Variants in HAGHL observed in about 807,000 individuals in gnomAD.
The protein encoded by HAGHL is hydroxyacylglutathione hydrolase like.
A neutral mutation model predicts 29.2 loss-of-function variants in HAGHL; 27 were observed. The ratio of observed to expected loss-of-function variants is 0.92; its 90% CI spans 0.68 to 1.27. The LOEUF (loss-of-function observed/expected upper bound fraction) is 1.27. Among genes scored for constraint, HAGHL ranks in the 50% most tolerant of loss-of-function variants. HAGHL has a pLI of 0.00. For synonymous variants in HAGHL, 223 were observed against 185.7 expected (o/e 1.20, Z -1.63); for missense variants, 529 against 405.5 (o/e 1.30, Z -2.62).
chr16:727,822 C>T (rs967490102), intron 1 of HAGHL, 143 bp from the exon 2 acceptor site: 6 of 907,610 alleles, frequency 6.6e-6, no homozygotes, highest in African/African-American at 3.4e-5. Flanking sequence ...ACGCGCTGGG[C>T]GCAGTCACCG....
chr16:727,543 A>C lies in HAGHL; in HGVS notation c.34A>C (p.Asn12His), dbSNP rs535281190. The part of the protein sequence containing the change: ...KVKVIPVLED[N>H]YMYLVIEELT... ...CAAGGTCATCCCCGTGCTCGAGGAC[A>C]ACTACATGTACCTGGTCATCGAGGA... The change falls in exon 1 of 8, where the codon AAC (asparagine) becomes CAC (histidine). Residue 12 changes from asparagine (N) to histidine (H), a missense_variant. Physicochemically the swap from Asn to His is moderately conservative, Grantham distance 68 (BLOSUM62 1). Transcript: ENST00000389703. 6.2e-7 allele frequency: 1 copy of C among 1,611,674 alleles called. No individual in the cohort carries two copies. The highest frequency in any genetic ancestry group is 2.2e-5 in the East Asian group (1 of 44,826).
In HAGHL at chr16:728,114, A is replaced by G; in HGVS notation, c.171-2A>G. 1 of 1,470,724 alleles carries G rather than the reference A, an allele frequency of 6.8e-7. No homozygotes were observed. Among genetic ancestry groups the G allele is most frequent in the South Asian group, 1.4e-5 (1 of 73,514 alleles). 91.1% of individuals were successfully genotyped at this position (1,470,724 alleles called of 1,614,324 possible). ...ACCCGGCCCCCGCCCGCCCGCCCGC[A>G]GGGACCACGCGCGGGGAAACCCGGA... On this transcript the variant is annotated splice_acceptor_variant, in intron 2 of 7. Coordinates refer to ENST00000389703, the MANE Select transcript of HAGHL (RefSeq NM_032304.4). LOFTEE classifies it high-confidence loss of function.
At chr16:727,811 C>A in intron 1 of HAGHL, 154 bp from the exon 2 acceptor site, 2 of 845,048 alleles carry the variant, frequency 2.4e-6, no homozygotes, top group Non-Finnish European at 1.9e-6. Flanking sequence ...GCGGTCCCTG[C>A]ACGCGCTGGG....
chr16:728,181 A>C lies in HAGHL; in HGVS notation c.236A>C (p.Asp79Ala), dbSNP rs1301518035. 2 of 1,459,014 alleles carry C rather than the reference A, an allele frequency of 1.4e-6. No individual in the cohort carries two copies. The highest frequency in any genetic ancestry group is 1.8e-6 in the Non-Finnish European group (2 of 1,115,522). The allele number at this position is 1,459,014 out of a possible 1,614,324, so 90.4% of individuals were successfully genotyped here. Residue 79 changes from aspartate (D) to alanine (A), a missense_variant, in exon 3 of 8, where the codon GAC (aspartate) becomes GCC (alanine). Asp to Ala is a moderately radical substitution (Grantham distance 126). Transcript: ENST00000389703. ...LRPGLAVLGA[D>A]ERIFSLTRRL... ...CCCGGGCTGGCGGTGCTGGGCGCGGACGAGCGCATCTTCTCGCTGACGCGC... is the reference window on the plus strand; with the variant it reads ...CCCGGGCTGGCGGTGCTGGGCGCGGCCGAGCGCATCTTCTCGCTGACGCGC...
At chr16:728,747 C>T (rs551536738) in intron 5 of HAGHL, 47 bp from the exon 6 acceptor site, 9 of 1,571,868 alleles carry the variant, frequency 5.7e-6, no homozygotes, top group East Asian at 2.3e-5. Flanking sequence ...CAAGCACTTT[C>T]CCCGCTTCCT....
Position 727,477 on chromosome 16 carries a change from T to C in HAGHL, c.-33T>C. 7.3e-7 allele frequency: 1 copy of C among 1,379,026 alleles called. No homozygotes were observed. The highest frequency in any genetic ancestry group is 1.0e-6 in the Non-Finnish European group (1 of 979,342). The allele number at this position is 1,379,026 out of a possible 1,614,324, so 85.4% of individuals were successfully genotyped here. A position where few individuals can be genotyped will look rare whatever the true frequency, so the allele number is the denominator to read the frequency against. On this transcript the variant is annotated 5_prime_UTR_variant, in exon 1 of 8. Transcript: ENST00000389703. ...GCACCGTGGGCTGGGGGGCCTGTTT[T>C]GGAGCAGGCACCGGTGGCCGAGCTC...
At chr16:728,067 C>A (rs761985402) in intron 2 of HAGHL, 38 bp downstream of exon 2, 1 of 1,556,262 alleles carries the variant, frequency 6.4e-7, no homozygotes, top group South Asian at 1.2e-5. Context: ...ACGAGGACGC[C>A]GCCTTGTCCC....
chr16:728,768 G>A (rs1161919448), intron 5 of HAGHL, 26 bp from the exon 6 acceptor site: 9 of 1,605,916 alleles, frequency 5.6e-6, no homozygotes, highest in South Asian at 1.1e-5. Flanking sequence ...GGCCGCGTGC[G>A]CGCTCACCGA....
In HAGHL at chr16:729,657, G is replaced by C. The variant is rs1596666762; in HGVS notation, c.*201G>C. ...GGGCCTGTGTGGGCGCCGAGACCTG[G>C]GTGTCTGGGAAGTGGGGCACACGGG... On this transcript the variant is annotated 3_prime_UTR_variant, in exon 8 of 8. Coordinates refer to ENST00000389703, the MANE Select transcript of HAGHL (RefSeq NM_032304.4). 2 of 1,512,510 alleles carry C rather than the reference G, an allele frequency of 1.3e-6. No individual in the cohort carries two copies. Among genetic ancestry groups the C allele is most frequent in the Non-Finnish European group, 1.8e-6 (2 of 1,134,664 alleles). The allele number at this position is 1,512,510 out of a possible 1,614,324, so 93.7% of individuals were successfully genotyped here. A position where few individuals can be genotyped will look rare whatever the true frequency, so the allele number is the denominator to read the frequency against.
At position 727,534 on chromosome 16, in the gene HAGHL, C is replaced by T. The variant is rs761028959; in HGVS notation, c.25C>T (p.Leu9Phe). Residue 9 changes from leucine to phenylalanine, a missense_variant, in exon 1 of 8, where the codon CTC becomes TTC. Coordinates refer to ENST00000389703, the MANE Select transcript of HAGHL (RefSeq NM_032304.4). MKVKVIPVLEDNYMYLVIE... is the reference protein window; with the variant it reads MKVKVIPVFEDNYMYLVIE... ...CATGAAGGTCAAGGTCATCCCCGTG[C>T]TCGAGGACAACTACATGTACCTGGT... is the stretch of plus-strand genomic sequence containing the variant. The T allele has an allele frequency of 2.0e-5, 32 of 1,611,104 alleles. No homozygotes were observed. In the Admixed American group the frequency reaches 4.0e-4, roughly 20 times the overall value.
intron 2 of HAGHL, 25 bp downstream of exon 2, chr16:728,054 G>C: frequency 6.4e-7 from 1 of 1,574,270 alleles, no homozygotes; most frequent in Non-Finnish European, 8.6e-7. Context: ...GGCGCGGGGA[G>C]GCACGAGGAC....
intron 7 of HAGHL, 63 bp from the exon 8 acceptor site, chr16:729,225 C>T: frequency 6.5e-7 from 1 of 1,544,646 alleles, no homozygotes; most frequent in Non-Finnish European, 8.7e-7. Context: ...GCCCGCCCAC[C>T]CCTCGGCGCC....
In HAGHL at chr16:728,844, G is replaced by GA. The variant is rs1173896859; in HGVS notation, c.552dup (p.Val185SerfsTer16). Reference sequence around the variant, plus strand: ...CGCTTAGCAACCTGGAGTTTGCCCAGAAAGTGGAGCCCTGCAACGACCACG... The same window carrying GA: ...CGCTTAGCAACCTGGAGTTTGCCCAGAAAAGTGGAGCCCTGCAACGACCACG... On this transcript the variant is annotated frameshift_variant, in exon 6 of 8. Coordinates refer to ENST00000389703, the MANE Select transcript of HAGHL (RefSeq NM_032304.4). LOFTEE classifies it high-confidence loss of function. 9 of 1,607,520 alleles carry GA rather than the reference G, an allele frequency of 5.6e-6. No homozygotes were observed. Among genetic ancestry groups the GA allele is most frequent in the Non-Finnish European group, 7.6e-6 (9 of 1,177,302 alleles).
chr16:728,646 GC>G, intron 5 of HAGHL, 42 bp downstream of exon 5: 1 of 1,316,298 alleles, frequency 7.6e-7, no homozygotes, highest in Non-Finnish European at 1.0e-6. Context: ...CGTGGGCACA[GC>G]CCCCACGCTC....
intron 1 of HAGHL, 154 bp from the exon 2 acceptor site, chr16:727,811 C>T: frequency 1.2e-6 from 1 of 845,050 alleles, no homozygotes; most frequent in South Asian, 1.7e-5. Context: ...GCGGTCCCTG[C>T]ACGCGCTGGG....
rs1466877664 is a variant in HAGHL at position 729,714 on chromosome 16, C to T, written c.*258C>T. The T allele has an allele frequency of 2.1e-6, 3 of 1,459,602 alleles. No individual in the cohort carries two copies. The highest frequency in any genetic ancestry group is 1.8e-6 in the Non-Finnish European group (2 of 1,109,234). The allele number at this position is 1,459,602 out of a possible 1,614,324, so 90.4% of individuals were successfully genotyped here. On this transcript the variant is annotated 3_prime_UTR_variant, in exon 8 of 8. Coordinates refer to ENST00000389703, the MANE Select transcript of HAGHL (RefSeq NM_032304.4). ...GAACTATGAATAAAGCTTTGAAAGG[C>T]CGTTGTCAGTGTTGGCAGATGTGCC... is the stretch of plus-strand genomic sequence containing the variant.
chr16:727,896 G>A (rs1183360318), intron 1 of HAGHL, 69 bp from the exon 2 acceptor site: 1 of 1,487,656 alleles, frequency 6.7e-7, no homozygotes, highest in African/African-American at 1.4e-5. Context: ...AGTGAGCGCG[G>A]CGGATCCCGA....
At chr16:728,733 G>C (rs1266200874) in intron 5 of HAGHL, 61 bp from the exon 6 acceptor site, 1 of 1,514,074 alleles carries the variant, frequency 6.6e-7, no homozygotes, top group Non-Finnish European at 9.1e-7. Context: ...CCAGGCCCCC[G>C]GCGCAAGCAC....
At chr16:728,925 G>C (rs765371094) in intron 6 of HAGHL, 30 bp downstream of exon 6, 1 of 1,281,130 alleles carries the variant, frequency 7.8e-7, no homozygotes, top group Admixed American at 2.2e-5. Context: ...GCGGCAAGAG[G>C]GTGGGGGGGG....
Sources: allele counts gnomAD v4.1 joint callset, GRCh38; gene constraint gnomAD v4.1.1; transcripts MANE v1.5; gene names NCBI Gene and HGNC (gene_info 2026-07-23, HGNC 2026-07-21).